TK2: variants seen among roughly 807,000 people sequenced by gnomAD.
TK2 encodes thymidine kinase 2.
TK2 carries 35 observed loss-of-function variants against 41.9 expected under a neutral mutation model. The observed-to-expected ratio is 0.84, with a 90% CI of 0.64 to 1.11. The LOEUF (loss-of-function observed/expected upper bound fraction) is 1.11, where lower values mean the gene tolerates loss of function less well. Ranked by LOEUF, TK2 falls within the 50% of genes least tolerant of loss-of-function variation. The pLI is 0.00. For missense variants in TK2, 320 were observed against 351.1 expected (o/e 0.91, Z 0.71); for synonymous variants, 128 against 129.1 (o/e 0.99, Z 0.06).
intron 3 of TK2, among the ~76,000 whole-genome samples, chr16:66,539,478 G>A (rs1466199300): frequency 1.3e-5 from 2 of 151,850 alleles, no homozygotes; most frequent in Admixed American, 6.6e-5. Flanking sequence ...GTGGGTGCTT[G>A]TAATCCCAGC....
chr16:66,523,392 G>T (rs978889307), intron 6 of TK2, among the ~76,000 whole-genome samples: 3 of 152,178 alleles, frequency 2.0e-5, no homozygotes, highest in African/African-American at 7.2e-5. Context: ...CCAGTACCTG[G>T]CTGAACTCCC....
At chr16:66,520,362 GA>G (rs1964744149) in intron 6 of TK2, among the ~76,000 whole-genome samples, 1 of 152,136 alleles carries the variant, frequency 6.6e-6, no homozygotes, top group Non-Finnish European at 1.5e-5. Context: ...GGGCTTCAGG[GA>G]AACCTCACCC....
intron 2 of TK2, among the ~76,000 whole-genome samples, chr16:66,545,140 T>C (rs1336918089): frequency 2.0e-5 from 3 of 151,844 alleles, no homozygotes; most frequent in Non-Finnish European, 2.9e-5. Flanking sequence ...CAAGAATGTA[T>C]GTATGCATGA....
Position 66,550,068 on chromosome 16 carries a change from G to A in TK2, c.-7C>T, listed in dbSNP as rs1465667166. On this transcript the variant is annotated 5_prime_UTR_variant, in exon 1 of 10. Coordinates refer to ENST00000544898, the MANE Select transcript of TK2 (RefSeq NM_004614.5). ...GCAGCGGCCACAGCAGCATAGCCGG[G>A]CGAGCGGATCCAGAGGCCCGGGGTT... is the stretch of plus-strand genomic sequence containing the variant. The A allele has an allele frequency of 3.1e-6, 5 of 1,590,004 alleles. No individual in the cohort carries two copies. The highest frequency in any genetic ancestry group is 4.3e-6 in the Non-Finnish European group (5 of 1,169,820).
At chr16:66,546,482 T>G (rs908115306) in intron 2 of TK2, 6 of 152,170 alleles carry the variant, frequency 3.9e-5, no homozygotes, top group Admixed American at 3.9e-4. Context: ...TGCTCCTTGT[T>G]AACCCCACAT....
At chr16:66,541,473 T>C (rs940017947) in intron 3 of TK2, among the ~76,000 whole-genome samples, 2 of 152,308 alleles carry the variant, frequency 1.3e-5, no homozygotes, top group Admixed American at 6.5e-5. Flanking sequence ...CTGCTCAGGA[T>C]GCAATGCAAT....
chr16:66,547,873 G>C (rs1965656557), intron 2 of TK2: 1 of 1,240,382 alleles, frequency 8.1e-7, no homozygotes, highest in African/African-American at 1.5e-5. Context: ...TGTGTGTCTG[G>C]GGGCACATCA....
At chr16:66,529,131 G>T in intron 5 of TK2, 64 bp from the exon 6 acceptor site, 1 of 1,483,132 alleles carries the variant, frequency 6.7e-7, no homozygotes. Context: ...GAGGCCTTGA[G>T]AAATGTCTGT....
intron 6 of TK2, among the ~76,000 whole-genome samples, chr16:66,523,692 G>C (rs1964846818): frequency 6.6e-6 from 1 of 152,134 alleles, no homozygotes; most frequent in Non-Finnish European, 1.5e-5. Context: ...AGCCAGGCGT[G>C]GTGGTGGGCG....
chr16:66,544,703 C>A (rs1406997330), intron 2 of TK2, among the ~76,000 whole-genome samples: 1 of 152,222 alleles, frequency 6.6e-6, no homozygotes, highest in African/African-American at 2.4e-5. Context: ...ATGATTATAA[C>A]TGAAACTGTG....
chr16:66,528,371 T>C (rs116597689), intron 6 of TK2, among the ~76,000 whole-genome samples: 1,934 of 152,124 alleles, frequency 0.013, 34 homozygotes, highest in African/African-American at 0.045. Context: ...CATCACAGAG[T>C]CTGCTCTCAT....
At chr16:66,548,881 A>T in intron 2 of TK2, 97 bp downstream of exon 2, 1 of 1,227,798 alleles carries the variant, frequency 8.1e-7, no homozygotes, top group Non-Finnish European at 1.2e-6. Flanking sequence ...TTTGCTTTTT[A>T]CTATGGAATG....
At chr16:66,530,282 C>CT (rs1258689663) in intron 5 of TK2, among the ~76,000 whole-genome samples, 7 of 152,196 alleles carry the variant, frequency 4.6e-5, no homozygotes, top group Non-Finnish European at 8.8e-5. Flanking sequence ...TGTTAACTGG[C>CT]TGTAGGGACA....
chr16:66,513,285 C>T (rs760648351), intron 9 of TK2, among the ~76,000 whole-genome samples: 1 of 152,204 alleles, frequency 6.6e-6, no homozygotes, highest in Non-Finnish European at 1.5e-5. Context: ...GTTCCACACA[C>T]CTCAGCATTC....
Position 66,550,102 on chromosome 16 carries a change from T to G in TK2, c.-41A>C. 1 of 1,608,472 alleles carries G rather than the reference T, an allele frequency of 6.2e-7. No homozygotes were observed. Among genetic ancestry groups the G allele is most frequent in the Non-Finnish European group, 8.5e-7 (1 of 1,178,496 alleles). On this transcript the variant is annotated 5_prime_UTR_variant, in exon 1 of 10. Coordinates refer to ENST00000544898, the MANE Select transcript of TK2 (RefSeq NM_004614.5). ...TCCAGAGGCCCGGGGTTCCTTCTTG[T>G]GCGAGTCGGCGCGGACGACTGCTAG...
rs1356340414 is a variant in TK2, at chr16:66,541,907, T to C, written c.203A>G (p.Glu68Gly). The C allele has an allele frequency of 1.2e-6, 2 of 1,614,078 alleles. No individual in the cohort carries two copies. The highest frequency in any genetic ancestry group is 2.2e-5 in the South Asian group (2 of 91,080). Residue 68 changes from glutamate (E) to glycine (G), a missense_variant, in exon 3 of 10, where the codon GAA becomes GGA. Coordinates refer to ENST00000544898, the MANE Select transcript of TK2 (RefSeq NM_004614.5). Reference sequence around the variant, plus strand: ...GACGTCTGTCGCGTTGGAGAAGAATTCCAGGCATGTCGTCTTCCCACTTGC... The same window carrying C: ...GACGTCTGTCGCGTTGGAGAAGAATCCCAGGCATGTCGTCTTCCCACTTGC... The part of the protein sequence containing the change: ...NIASGKTTCL[E>G]FFSNATDVEV...
chr16:66,542,190 T>G (rs953780086), intron 2 of TK2, among the ~76,000 whole-genome samples: 23 of 152,226 alleles, frequency 1.5e-4, no homozygotes, highest in Admixed American at 5.2e-4. Context: ...AGATCCTCCT[T>G]TACGTCAACT....
At position 66,517,138 on chromosome 16, in the gene TK2, G is replaced by A. The variant is rs948551795; in HGVS notation, c.616C>T (p.Leu206=). 6 of 1,613,948 alleles carry A rather than the reference G, an allele frequency of 3.7e-6. No homozygotes were observed. Among genetic ancestry groups the A allele is most frequent in the Non-Finnish European group, 5.1e-6 (6 of 1,179,940 alleles). The part of the protein sequence containing the change: ...RCREEEKVIP[L]EYLEAIHHLH... Reference sequence around the variant, plus strand: ...ACCAAGTCAAAGAGGCCTCTTACCAGCGGAATGACCTTCTCCTCTTCCCTG... The same window carrying A: ...ACCAAGTCAAAGAGGCCTCTTACCAACGGAATGACCTTCTCCTCTTCCCTG... The change falls in exon 8 of 10, where the codon CTG becomes TTG. Residue 206 remains leucine, a splice_region_variant and synonymous_variant. Coordinates refer to ENST00000544898, the MANE Select transcript of TK2 (RefSeq NM_004614.5). The surrounding 1 kb of genome is among the most constrained non-coding windows in gnomAD (Gnocchi z 4.3).
At position 66,511,419 on chromosome 16, in the gene TK2, G is replaced by C. The variant is rs1256156679; in HGVS notation, c.*549C>G. Reference sequence around the variant, plus strand: ...AAAGAGACATGAGAGCCTCCAACCGGAAGAGGCAGGGCGGTGGGGAACAGC... The same window carrying C: ...AAAGAGACATGAGAGCCTCCAACCGCAAGAGGCAGGGCGGTGGGGAACAGC... On this transcript the variant is annotated 3_prime_UTR_variant, in exon 10 of 10. Transcript: ENST00000544898. 3 of 199,362 alleles carry C rather than the reference G, an allele frequency of 1.5e-5. No homozygotes were observed. Among genetic ancestry groups the C allele is most frequent in the Admixed American group, 5.3e-5 (1 of 18,850 alleles). The allele number at this position is 199,362 out of a possible 1,614,324, so 12.3% of individuals were successfully genotyped here.
Sources: allele counts gnomAD v4.1 joint callset (sites outside exome capture counted in the v4.1 genomes callset), GRCh38; gene constraint gnomAD v4.1.1; non-coding constraint Gnocchi (gnomAD v3.1); transcripts MANE v1.5; gene names NCBI Gene and HGNC (gene_info 2026-07-23, HGNC 2026-07-21).